Variants in ALK observed in about 807,000 individuals in gnomAD.
ALK encodes the protein ALK tyrosine kinase receptor.
In ALK, 74 loss-of-function variants were observed where a neutral mutation model predicts 163.1. The ratio of observed to expected loss-of-function variants is 0.45; its 90% confidence interval spans 0.38 to 0.55. The LOEUF (loss-of-function observed/expected upper bound fraction) is 0.55. Ranked by LOEUF, ALK falls within the 20% of genes least tolerant of loss-of-function variation. The pLI is 0.00. For synonymous variants in ALK, 960 were observed against 843.2 expected (o/e 1.14, Z -2.40); for missense variants, 2,063 against 2,105.3 (o/e 0.98, Z 0.39).
chr2:29,613,053 C>A (rs1388249106), intron 3 of ALK, among the ~76,000 whole-genome samples: 1 of 152,156 alleles, frequency 6.6e-6, no homozygotes. Context: ...TGAGTTTTGT[C>A]AGAGAGGAAA....
intron 1 of ALK, among the ~76,000 whole-genome samples, chr2:29,855,181 T>C (rs1666108217): frequency 1.3e-5 from 2 of 152,216 alleles, no homozygotes; most frequent in African/African-American, 4.8e-5. Context: ...AGGAACAAGC[T>C]AGCACCCTGG....
intron 4 of ALK, among the ~76,000 whole-genome samples, chr2:29,524,719 C>A (rs1271216501): frequency 6.6e-6 from 1 of 152,022 alleles, no homozygotes; most frequent in East Asian, 1.9e-4. Context: ...AGATGAGAGT[C>A]AATATGTGAA....
At chr2:29,825,490 T>A (rs1186524802) in intron 1 of ALK, among the ~76,000 whole-genome samples, 2 of 152,150 alleles carry the variant, frequency 1.3e-5, no homozygotes, top group Non-Finnish European at 2.9e-5. Flanking sequence ...GACCTTGGTA[T>A]GTTCAAGGAA....
At chr2:29,710,906 C>T (rs1378867637) in intron 2 of ALK, among the ~76,000 whole-genome samples, 1 of 152,198 alleles carries the variant, frequency 6.6e-6, no homozygotes, top group Non-Finnish European at 1.5e-5. Flanking sequence ...CTTCACCTGG[C>T]TGTCTTGAAG....
intron 3 of ALK, among the ~76,000 whole-genome samples, chr2:29,642,465 G>A (rs927047915): frequency 6.6e-6 from 1 of 152,106 alleles, no homozygotes; most frequent in Non-Finnish European, 1.5e-5. Context: ...GCTGGCTCAT[G>A]CATATATTGA....
intron 15 of ALK, among the ~76,000 whole-genome samples, chr2:29,230,807 G>A (rs547680120): frequency 6.6e-6 from 1 of 152,160 alleles, no homozygotes. Flanking sequence ...CAGAGAGAAG[G>A]CCCCTTAGGC....
At chr2:29,328,547 G>T (rs1413940063) in intron 5 of ALK, 66 bp from the exon 6 acceptor site, 2 of 1,609,914 alleles carry the variant, frequency 1.2e-6, no homozygotes, top group East Asian at 4.5e-5. Flanking sequence ...CTGGCCTGAT[G>T]GGTTGGTCCC....
chr2:29,238,883 C>T (rs184055016), intron 13 of ALK, among the ~76,000 whole-genome samples: 69 of 152,236 alleles, frequency 4.5e-4, no homozygotes, highest in Non-Finnish European at 1.6e-4. Context: ...GACGCGGTCC[C>T]GTGAAAAGAC....
intron 3 of ALK, among the ~76,000 whole-genome samples, chr2:29,646,801 T>C (rs1676888334): frequency 6.6e-6 from 1 of 152,176 alleles, no homozygotes; most frequent in Non-Finnish European, 1.5e-5. Flanking sequence ...TTTCAAAAAT[T>C]GCACCACACC....
intron 3 of ALK, among the ~76,000 whole-genome samples, chr2:29,679,474 TCTCTTA>T (rs1300461058): frequency 1.3e-5 from 2 of 151,764 alleles, no homozygotes; most frequent in African/African-American, 4.8e-5. Context: ...TCTGTTTCTT[TCTCTTA>T]CATTTTGGAG....
rs13026132 is a variant in ALK, at chr2:29,888,405, A to T, written c.667+31588T>A. ...ATCAAGATAAAATATGGTGATGTCTAGATTAATTATCAGCTGTTATAAATT... is the reference window on the plus strand; with the variant it reads ...ATCAAGATAAAATATGGTGATGTCTTGATTAATTATCAGCTGTTATAAATT... On this transcript the variant is annotated intron_variant, in intron 1 of 28. Transcript: ENST00000389048. Among the ~76,000 whole-genome samples, 4 of 152,134 alleles carry T rather than the reference A, an allele frequency of 2.6e-5. No homozygotes were observed. The South Asian group carries it at 6.2e-4, about 24-fold the overall frequency.
intron 3 of ALK, among the ~76,000 whole-genome samples, chr2:29,575,857 A>G (rs1197613898): frequency 1.3e-5 from 2 of 152,166 alleles, no homozygotes; most frequent in Non-Finnish European, 2.9e-5. Context: ...AAATGCTCCA[A>G]CAGAGTGGAG....
intron 1 of ALK, among the ~76,000 whole-genome samples, chr2:29,724,441 T>C (rs1268081290): frequency 6.6e-6 from 1 of 152,158 alleles, no homozygotes. Flanking sequence ...CAGGCCTGTT[T>C]TTGGGACTGG....
rs1173498732 is a variant in ALK at position 29,723,311 on chromosome 2, T to C, written c.668-5614A>G. Among the ~76,000 whole-genome samples, 6 of 152,328 alleles carry C rather than the reference T, an allele frequency of 3.9e-5. No homozygotes were observed. In the East Asian group the frequency reaches 1.2e-3, roughly 29 times the overall value. On this transcript the variant is annotated intron_variant, in intron 1 of 28. Transcript: ENST00000389048. ...TTCTCTCAGCCGAGGAAGCTCCTCC[T>C]ACTCAGAGGTACATGGCCACTCCCT...
At chr2:29,660,341 A>C (rs1054126648) in intron 3 of ALK, among the ~76,000 whole-genome samples, 2 of 152,166 alleles carry the variant, frequency 1.3e-5, no homozygotes, top group East Asian at 1.9e-4. Flanking sequence ...ATCTGTGCCC[A>C]ATTTGTTCAG....
intron 4 of ALK, among the ~76,000 whole-genome samples, chr2:29,454,635 T>G (rs1156907342): frequency 6.6e-6 from 1 of 152,126 alleles, no homozygotes; most frequent in African/African-American, 2.4e-5. Context: ...TGATGAATAT[T>G]ATTTTAATTC....
chr2:29,665,149 G>C (rs1184003863), intron 3 of ALK, among the ~76,000 whole-genome samples: 1 of 151,336 alleles, frequency 6.6e-6, no homozygotes, highest in African/African-American at 2.4e-5. Flanking sequence ...ATTATGCTTG[G>C]ATAATTCTTG....
chr2:29,669,919 C>G (rs547355728), intron 3 of ALK, among the ~76,000 whole-genome samples: 5 of 152,028 alleles, frequency 3.3e-5, no homozygotes, highest in Admixed American at 3.3e-4. Flanking sequence ...CCATATCCCC[C>G]ACATGTTGAA....
chr2:29,899,327 A>T (rs1412812069), intron 1 of ALK, among the ~76,000 whole-genome samples: 1 of 152,112 alleles, frequency 6.6e-6, no homozygotes, highest in Non-Finnish European at 1.5e-5. Flanking sequence ...TTCTCCAAAG[A>T]CCCTTGCCCC....
Sources: gnomAD v4.1 joint callset for allele counts (sites outside exome capture counted in the v4.1 genomes callset) on GRCh38, gnomAD v4.1.1 for gene constraint, MANE v1.5 for transcripts, NCBI Gene and HGNC (gene_info 2026-07-23, HGNC 2026-07-21) for gene names.